The following EPHA7 variants were observed in gnomAD, a reference collection of about 807,000 sequenced individuals.
EPHA7 encodes ephrin type-A receptor 7.
Under a neutral mutation model 112.6 loss-of-function variants are expected in EPHA7, and 25 were observed. The observed-to-expected ratio is 0.22, with a 90% CI of 0.16 to 0.31. The LOEUF (loss-of-function observed/expected upper bound fraction) is 0.31. EPHA7 is among the 10% of genes least tolerant of loss of function. The pLI is 1.00. For synonymous variants in EPHA7, 437 were observed against 406.5 expected (o/e 1.07, Z -0.90); for missense variants, 962 against 1,212.6 (o/e 0.79, Z 3.07).
Position 93,385,386 on chromosome 6 carries a change from A to G in EPHA7, c.832+25115T>C, listed in dbSNP as rs999893529. On this transcript the variant is annotated intron_variant, in intron 3 of 16. Coordinates refer to ENST00000369303, the MANE Select transcript of EPHA7 (RefSeq NM_004440.4). ...TAGCAGTCAGAAAGGAATAATAAAAATCAAACGCTTTCATACTTTTAACTC... is the reference window on the plus strand; with the variant it reads ...TAGCAGTCAGAAAGGAATAATAAAAGTCAAACGCTTTCATACTTTTAACTC... 2.0e-5 allele frequency among the ~76,000 whole-genome samples: 3 copies of G among 152,148 alleles called. No individual in the cohort carries two copies. The East Asian group carries it at 5.8e-4, about 29-fold the overall frequency.
At chr6:93,390,829 T>A (rs1281462567) in intron 3 of EPHA7, among the ~76,000 whole-genome samples, 1 of 151,402 alleles carries the variant, frequency 6.6e-6, no homozygotes, top group South Asian at 2.1e-4. Context: ...TGCAGGTTTA[T>A]CTCTCTCTCC....
chr6:93,247,818 C>T (rs77770104), intron 14 of EPHA7, among the ~76,000 whole-genome samples: 7,700 of 152,144 alleles, frequency 0.051, 654 homozygotes, highest in African/African-American at 0.18. Flanking sequence ...GCCTAAAAAA[C>T]TGTTTATATG....
intron 3 of EPHA7, among the ~76,000 whole-genome samples, chr6:93,408,158 TTATATG>T (rs1778806910): frequency 6.6e-6 from 1 of 152,066 alleles, no homozygotes. Flanking sequence ...TTGTGTACTT[TTATATG>T]TATTTCTACT....
chr6:93,404,379 G>T (rs1238616993), intron 3 of EPHA7, among the ~76,000 whole-genome samples: 1 of 151,842 alleles, frequency 6.6e-6, no homozygotes, highest in African/African-American at 2.4e-5. Flanking sequence ...GTTCATAAAA[G>T]ACTTTGCAAT....
At chr6:93,401,537 A>T (rs1014241314) in intron 3 of EPHA7, among the ~76,000 whole-genome samples, 15 of 152,208 alleles carry the variant, frequency 9.9e-5, no homozygotes, top group Admixed American at 1.3e-4. Context: ...AACAAAAAAA[A>T]TAACATCTAT....
intron 14 of EPHA7, among the ~76,000 whole-genome samples, chr6:93,249,991 GT>G (rs1401201811): frequency 1.3e-5 from 2 of 152,032 alleles, no homozygotes; most frequent in African/African-American, 4.8e-5. Flanking sequence ...GATTCCTTTT[GT>G]TATTGTAGAG....
intron 10 of EPHA7, among the ~76,000 whole-genome samples, chr6:93,258,733 A>G (rs1363569273): frequency 6.7e-6 from 1 of 149,708 alleles, no homozygotes; most frequent in African/African-American, 2.4e-5. Flanking sequence ...ATGAGGACAC[A>G]TCAGCAAATT....
chr6:93,264,849 G>A (rs1490279002), intron 7 of EPHA7, 147 bp from the exon 8 acceptor site: 2 of 426,466 alleles, frequency 4.7e-6, no homozygotes, highest in African/African-American at 2.1e-5. Context: ...TTAAATAAAT[G>A]TTTATTTCTG....
chr6:93,404,264 T>A (rs1778579557), intron 3 of EPHA7, among the ~76,000 whole-genome samples: 1 of 151,974 alleles, frequency 6.6e-6, no homozygotes, highest in Admixed American at 6.6e-5. Flanking sequence ...AAGTGAAATA[T>A]TTAGGATGTT....
At chr6:93,363,366 A>C (rs1776349215) in intron 3 of EPHA7, among the ~76,000 whole-genome samples, 1 of 152,178 alleles carries the variant, frequency 6.6e-6, no homozygotes, top group African/African-American at 2.4e-5. Flanking sequence ...AAAATCCATC[A>C]ATAAGCCAAT....
chr6:93,359,661 T>G (rs185427942), intron 3 of EPHA7, among the ~76,000 whole-genome samples: 1 of 152,012 alleles, frequency 6.6e-6, no homozygotes, highest in Non-Finnish European at 1.5e-5. Flanking sequence ...CAGAAAACAG[T>G]TGAGTCATCC....
At chr6:93,331,125 T>C (rs769491897) in intron 5 of EPHA7, among the ~76,000 whole-genome samples, 1 of 151,398 alleles carries the variant, frequency 6.6e-6, no homozygotes, top group Non-Finnish European at 1.5e-5. Context: ...ATTAGCAACA[T>C]GGAAATGCAG....
chr6:93,418,557 C>A (rs981041841), intron 1 of EPHA7, among the ~76,000 whole-genome samples: 8 of 152,240 alleles, frequency 5.3e-5, no homozygotes, highest in Non-Finnish European at 1.2e-4. Context: ...GCCCCCATGA[C>A]CGCTGGGCCC....
intron 2 of EPHA7, among the ~76,000 whole-genome samples, chr6:93,413,976 T>C (rs1779101321): frequency 6.6e-6 from 1 of 151,878 alleles, no homozygotes; most frequent in South Asian, 2.1e-4. Flanking sequence ...ATGTGCCCTC[T>C]CTCACAATTA....
intron 5 of EPHA7, among the ~76,000 whole-genome samples, chr6:93,335,303 T>C: frequency 6.6e-6 from 1 of 152,178 alleles, no homozygotes; most frequent in East Asian, 1.9e-4. Context: ...AAAATGAGAT[T>C]TTTCATCTAA....
At chr6:93,405,829 A>G (rs866673180) in intron 3 of EPHA7, among the ~76,000 whole-genome samples, 31,167 of 123,852 alleles carry the variant, frequency 0.25, 4,229 homozygotes, top group Middle Eastern at 0.3. Flanking sequence ...ATATATATAT[A>G]TATATATATA....
chr6:93,265,255 TTAA>T (rs1409202196), intron 7 of EPHA7, among the ~76,000 whole-genome samples: 1 of 151,704 alleles, frequency 6.6e-6, no homozygotes, highest in East Asian at 1.9e-4. Flanking sequence ...ATTGTCTGTG[TTAA>T]TTTTCATGAA....
At chr6:93,352,740 G>C (rs998293487) in intron 5 of EPHA7, among the ~76,000 whole-genome samples, 1 of 152,012 alleles carries the variant, frequency 6.6e-6, no homozygotes, top group Admixed American at 6.6e-5. Context: ...GAAAACTATG[G>C]AATACTACAC....
intron 3 of EPHA7, among the ~76,000 whole-genome samples, chr6:93,364,059 T>C (rs1776383242): frequency 6.6e-6 from 1 of 152,144 alleles, no homozygotes; most frequent in South Asian, 2.1e-4. Flanking sequence ...AAAAATGGCA[T>C]TTGACTGTTG....
Sources: gnomAD v4.1 joint callset for allele counts (sites outside exome capture counted in the v4.1 genomes callset) on GRCh38, gnomAD v4.1.1 for gene constraint, MANE v1.5 for transcripts, NCBI Gene and HGNC (gene_info 2026-07-23, HGNC 2026-07-21) for gene names.